The following HIC1 variants were observed in gnomAD, a reference collection of about 807,000 sequenced individuals.
HIC1 encodes the protein HIC ZBTB transcriptional repressor 1.
Under a neutral mutation model 26.4 loss-of-function variants are expected in HIC1, and 9 were observed. The observed-to-expected ratio is 0.34, with a 90% CI of 0.21 to 0.59. The LOEUF is 0.59. HIC1 is among the 20% of genes least tolerant of loss of function. The pLI is 0.82. For synonymous variants in HIC1, 631 were observed against 523.1 expected (o/e 1.21, Z -2.81); for missense variants, 965 against 1,075.7 (o/e 0.90, Z 1.44).
At position 2,061,389 on chromosome 17, in the gene HIC1, G is replaced by T; in HGVS notation, c.*2554G>T. ...TGGAAGAGGATGGTTTATTGTCTGGGTGGATTGGTGGCTCAGGCACGTGGG... is the reference window on the plus strand; with the variant it reads ...TGGAAGAGGATGGTTTATTGTCTGGTTGGATTGGTGGCTCAGGCACGTGGG... On this transcript the variant is annotated 3_prime_UTR_variant, in exon 2 of 2. Transcript: ENST00000619757. 1 of 1,160,470 alleles carries T rather than the reference G, an allele frequency of 8.6e-7. No individual in the cohort carries two copies. Among genetic ancestry groups the T allele is most frequent in the Non-Finnish European group, 1.2e-6 (1 of 826,020 alleles). The allele number at this position is 1,160,470 out of a possible 1,614,324, so 71.9% of individuals were successfully genotyped here. A position where few individuals can be genotyped will look rare whatever the true frequency, so the allele number is the denominator to read the frequency against.
chr17:2,061,620 C>CT lies in HIC1; in HGVS notation c.*2785_*2786insT. The CT allele has an allele frequency of 6.4e-7, 1 of 1,570,762 alleles. No individual in the cohort carries two copies. Among genetic ancestry groups the CT allele is most frequent in the Non-Finnish European group, 8.6e-7 (1 of 1,157,762 alleles). On this transcript the variant is annotated 3_prime_UTR_variant, in exon 2 of 2. Coordinates refer to ENST00000619757, the MANE Select transcript of HIC1 (RefSeq NM_006497.4). ...ACCTCCCGCAGTAGCCGGATTGGCT[C>CT]CTCTGTGGGCATGAGAGAGCAGAAG... is the stretch of plus-strand genomic sequence containing the variant.
rs1209577388 is a variant in HIC1, at chr17:2,061,763, C to T, written c.*2928C>T. On this transcript the variant is annotated 3_prime_UTR_variant, in exon 2 of 2. Transcript: ENST00000619757. Reference sequence around the variant, plus strand: ...TGGCTCTTCTACCAGTCCTTTCCTCCGTCCGGGCTCTCAGCCCCGGGGACC... The same window carrying T: ...TGGCTCTTCTACCAGTCCTTTCCTCTGTCCGGGCTCTCAGCCCCGGGGACC... 1.7e-5 allele frequency: 17 copies of T among 985,048 alleles called. No individual in the cohort carries two copies. The highest frequency in any genetic ancestry group is 3.2e-5 in the South Asian group (2 of 63,136). 61.0% of individuals were successfully genotyped at this position (985,048 alleles called of 1,614,324 possible).
In HIC1 at chr17:2,058,747, CCGA is replaced by C; in HGVS notation, c.2059_2061del (p.Asp687del). ...TTCACGGCCGAGCTGGGCCTCAGCCCCGACAAGGCGGCCGAGGTGCTGAGCCAG... is the reference window on the plus strand; with the variant it reads ...TTCACGGCCGAGCTGGGCCTCAGCCCCAAGGCGGCCGAGGTGCTGAGCCAG... On this transcript the variant is annotated inframe_deletion, in exon 2 of 2. Coordinates refer to ENST00000619757, the MANE Select transcript of HIC1 (RefSeq NM_006497.4). The C allele has an allele frequency of 6.5e-7, 1 of 1,527,460 alleles. No individual in the cohort carries two copies. The highest frequency in any genetic ancestry group is 1.2e-5 in the South Asian group (1 of 82,018). 94.6% of individuals were successfully genotyped at this position (1,527,460 alleles called of 1,614,324 possible). A position where few individuals can be genotyped will look rare whatever the true frequency, so the allele number is the denominator to read the frequency against.
At position 2,057,895 on chromosome 17, in the gene HIC1, G is replaced by A; in HGVS notation, c.1205G>A (p.Cys402Tyr). Reference sequence around the variant, plus strand: ...GGCGGCCACCTCGAGGGCTACCCATGCCCGCACCTGGCCTATGGCGAGCCC... The same window carrying A: ...GGCGGCCACCTCGAGGGCTACCCATACCCGCACCTGGCCTATGGCGAGCCC... ...PPGGHLEGYP[C>Y]PHLAYGEPES... Residue 402 changes from cysteine to tyrosine, a missense_variant, in exon 2 of 2, where the codon TGC becomes TAC. Cys to Tyr is a radical substitution (Grantham distance 194, BLOSUM62 -2). Coordinates refer to ENST00000619757, the MANE Select transcript of HIC1 (RefSeq NM_006497.4). The A allele has an allele frequency of 1.2e-6, 2 of 1,604,302 alleles. No homozygotes were observed. The highest frequency in any genetic ancestry group is 1.1e-5 in the South Asian group (1 of 89,664).
chr17:2,058,828 C>G lies in HIC1; in HGVS notation c.2138C>G (p.Pro713Arg). 6.8e-7 allele frequency: 1 copy of G among 1,463,800 alleles called. No individual in the cohort carries two copies. The highest frequency in any genetic ancestry group is 9.0e-7 in the Non-Finnish European group (1 of 1,113,218). 90.7% of individuals were successfully genotyped at this position (1,463,800 alleles called of 1,614,324 possible). Residue 713 changes from proline (P) to arginine (R), a missense_variant, in exon 2 of 2, where the codon CCC becomes CGC. Coordinates refer to ENST00000619757, the MANE Select transcript of HIC1 (RefSeq NM_006497.4). ...GGCCGGACCATCGACCGTTTCTCTC[C>G]CACCTAGAGCGCCCCTCGCCAGCCC... ...PDGRTIDRFS[P>R]T
In HIC1 at chr17:2,057,870, G is replaced by T. The variant is rs754906814; in HGVS notation, c.1180G>T (p.Gly394Cys). ...TAGCAGCGAGGACCCCAGCCCGCCT[G>T]GCGGCCACCTCGAGGGCTACCCATG... is the stretch of plus-strand genomic sequence containing the variant. ...TGSSEDPSPP[G>C]GHLEGYPCPH... The change falls in exon 2 of 2, where the codon GGC (glycine) becomes TGC (cysteine). Residue 394 changes from glycine to cysteine, a missense_variant. By Grantham distance (159) the Gly-to-Cys change is radical. Around this residue, in one of 6 missense-constraint regions of HIC1, gnomAD observed 526 missense variants for 525.0 expected, o/e 1.00. Transcript: ENST00000619757. 6.3e-7 allele frequency: 1 copy of T among 1,596,070 alleles called. No individual in the cohort carries two copies.
intron 1 of HIC1, 134 bp from the exon 2 acceptor site, chr17:2,056,537 G>C: frequency 1.5e-6 from 2 of 1,376,410 alleles, no homozygotes; most frequent in East Asian, 5.0e-5. Context: ...CCGGTCCTTC[G>C]CCGGTGCCCA....
rs1263456354 is a variant in HIC1, at chr17:2,055,793, T to A, written c.-21+555T>A. Among the ~76,000 whole-genome samples the A allele has an allele frequency of 1.3e-5, 2 of 151,540 alleles. No homozygotes were observed. Among genetic ancestry groups the A allele is most frequent in the Non-Finnish European group, 2.9e-5 (2 of 67,814 alleles). On this transcript the variant is annotated intron_variant, in intron 1 of 1. Transcript: ENST00000619757. This position sits in a 1 kb window ranked among gnomAD's most constrained non-coding sequence, Gnocchi z 6.4. ...GGGCCGGCGCACTCCTCCCGCCCTG[T>A]CTGCAGTTGGAAAACTTTTCCCCAA...
Position 2,057,258 on chromosome 17 carries a change from G to A in HIC1, c.568G>A (p.Ala190Thr). The A allele has an allele frequency of 6.9e-7, 1 of 1,453,526 alleles. No homozygotes were observed. 90.0% of individuals were successfully genotyped at this position (1,453,526 alleles called of 1,614,324 possible). Residue 190 changes from alanine to threonine, a missense_variant, in exon 2 of 2, where the codon GCC becomes ACC. Transcript: ENST00000619757. ...CGCGGAGCCGCCCTCGGGCCCAGAG[G>A]CCGCGGTCAACACGCACTGCGCCGA... The part of the protein sequence containing the change: ...PAAEPPSGPE[A>T]AVNTHCAELY...
chr17:2,057,809 C>A lies in HIC1; in HGVS notation c.1119C>A (p.Asp373Glu). ...GSLDGPGAGGDGDDYKSSSEE... is the reference protein window; with the variant it reads ...GSLDGPGAGGEGDDYKSSSEE... Reference sequence around the variant, plus strand: ...TGGACGGGCCCGGCGCGGGCGGCGACGGCGACGACTACAAGAGCAGCAGCG... The same window carrying A: ...TGGACGGGCCCGGCGCGGGCGGCGAAGGCGACGACTACAAGAGCAGCAGCG... Residue 373 changes from aspartate (D) to glutamate (E), a missense_variant, in exon 2 of 2, where the codon GAC (aspartate) becomes GAA (glutamate). By Grantham distance (45) the Asp-to-Glu change is conservative. Coordinates refer to ENST00000619757, the MANE Select transcript of HIC1 (RefSeq NM_006497.4). The A allele has an allele frequency of 6.5e-7, 1 of 1,549,810 alleles. No individual in the cohort carries two copies. Among genetic ancestry groups the A allele is most frequent in the South Asian group, 1.2e-5 (1 of 84,434 alleles).
Position 2,057,454 on chromosome 17 carries a change from C to G in HIC1, c.764C>G (p.Ala255Gly). ...LPPRPDSPPS[A>G]GPAAYKEPPL... Reference sequence around the variant, plus strand: ...CCGCGCCCGGACAGCCCTCCCAGCGCCGGCCCCGCCGCCTACAAGGAGCCG... The same window carrying G: ...CCGCGCCCGGACAGCCCTCCCAGCGGCGGCCCCGCCGCCTACAAGGAGCCG... Residue 255 changes from alanine to glycine, a missense_variant, in exon 2 of 2, where the codon GCC becomes GGC. By Grantham distance (60) the Ala-to-Gly change is moderately conservative. This residue lies in a region of HIC1 where 526 missense variants were observed against 525.0 expected (regional missense o/e 1.00). Coordinates refer to ENST00000619757, the MANE Select transcript of HIC1 (RefSeq NM_006497.4). 1 of 1,465,162 alleles carries G rather than the reference C, an allele frequency of 6.8e-7. No individual in the cohort carries two copies. The highest frequency in any genetic ancestry group is 9.0e-7 in the Non-Finnish European group (1 of 1,116,066). The allele number at this position is 1,465,162 out of a possible 1,614,324, so 90.8% of individuals were successfully genotyped here.
chr17:2,056,825 G>A lies in HIC1; in HGVS notation c.135G>A (p.Val45=), dbSNP rs756260709. The change falls in exon 2 of 2, where the codon GTG becomes GTA. Residue 45 remains valine, a synonymous_variant. Coordinates refer to ENST00000619757, the MANE Select transcript of HIC1 (RefSeq NM_006497.4). ...CCCTCTTCCGCGCGCACAAGAACGT[G>A]CTGGCGGCCAGCAGCGCCTACCTCA... ...QNALFRAHKN[V]LAASSAYLKS... 6.2e-7 allele frequency: 1 copy of A among 1,612,840 alleles called. No homozygotes were observed. The highest frequency in any genetic ancestry group is 8.5e-7 in the Non-Finnish European group (1 of 1,179,892).
chr17:2,058,085 C>G lies in HIC1; in HGVS notation c.1395C>G (p.Pro465=), dbSNP rs764055066. The change falls in exon 2 of 2, where the codon CCC becomes CCG. Residue 465 remains proline, a synonymous_variant. Transcript: ENST00000619757. ...CCGCTGGGGCCGCCGGCCTAGGGCC[C>G]CCTTTTGGAGGCGGCGGGGACAAGG... is the stretch of plus-strand genomic sequence containing the variant. The part of the protein sequence containing the change: ...EVAAGAAGLG[P]PFGGGGDKVA... 6.3e-7 allele frequency: 1 copy of G among 1,588,976 alleles called. No homozygotes were observed. Among genetic ancestry groups the G allele is most frequent in the Non-Finnish European group, 8.5e-7 (1 of 1,170,496 alleles).
rs1240394415 is a variant in HIC1 at position 2,061,381 on chromosome 17, T to C, written c.*2546T>C. 2 of 1,081,378 alleles carry C rather than the reference T, an allele frequency of 1.8e-6. No homozygotes were observed. Among genetic ancestry groups the C allele is most frequent in the African/African-American group, 1.6e-5 (1 of 63,764 alleles). The allele number at this position is 1,081,378 out of a possible 1,614,324, so 67.0% of individuals were successfully genotyped here. ...GCGTGGGTTGGAAGAGGATGGTTTA[T>C]TGTCTGGGTGGATTGGTGGCTCAGG... On this transcript the variant is annotated 3_prime_UTR_variant, in exon 2 of 2. Coordinates refer to ENST00000619757, the MANE Select transcript of HIC1 (RefSeq NM_006497.4).
At position 2,055,112 on chromosome 17, in the gene HIC1, C is replaced by T. The variant is rs1301643632; in HGVS notation, c.-147C>T. On this transcript the variant is annotated 5_prime_UTR_variant, in exon 1 of 2. Transcript: ENST00000619757. This position sits in a 1 kb window ranked among gnomAD's most constrained non-coding sequence, Gnocchi z 6.4. ...AAAGCGCGGCGGGGCTGAGACGCGACCAGGACGCGGGGAGGACGGACCAGC... is the reference window on the plus strand; with the variant it reads ...AAAGCGCGGCGGGGCTGAGACGCGATCAGGACGCGGGGAGGACGGACCAGC... 1.3e-5 allele frequency: 2 copies of T among 152,158 alleles called. No homozygotes were observed. The highest frequency in any genetic ancestry group is 2.9e-5 in the Non-Finnish European group (2 of 68,076). The allele number at this position is 152,158 out of a possible 1,614,324, so 9.4% of individuals were successfully genotyped here. A position where few individuals can be genotyped will look rare whatever the true frequency, so the allele number is the denominator to read the frequency against.
Position 2,059,535 on chromosome 17 carries a change from C to G in HIC1, c.*700C>G, listed in dbSNP as rs934849634. On this transcript the variant is annotated 3_prime_UTR_variant, in exon 2 of 2. Transcript: ENST00000619757. Reference sequence around the variant, plus strand: ...TTTATTGCATGCGCCCCGGCGGCCCCCCATCCCGAGCCCAGGCTGGGCTGG... The same window carrying G: ...TTTATTGCATGCGCCCCGGCGGCCCGCCATCCCGAGCCCAGGCTGGGCTGG... 1 of 167,252 alleles carries G rather than the reference C, an allele frequency of 6.0e-6. No homozygotes were observed. The highest frequency in any genetic ancestry group is 2.4e-5 in the African/African-American group (1 of 41,474). 10.4% of individuals were successfully genotyped at this position (167,252 alleles called of 1,614,324 possible).
In HIC1 at chr17:2,061,396, G is replaced by C; in HGVS notation, c.*2561G>C. 8.2e-7 allele frequency: 1 copy of C among 1,226,206 alleles called. No homozygotes were observed. Among genetic ancestry groups the C allele is most frequent in the East Asian group, 2.6e-5 (1 of 38,674 alleles). The allele number at this position is 1,226,206 out of a possible 1,614,324, so 76.0% of individuals were successfully genotyped here. On this transcript the variant is annotated 3_prime_UTR_variant, in exon 2 of 2. Coordinates refer to ENST00000619757, the MANE Select transcript of HIC1 (RefSeq NM_006497.4). Reference sequence around the variant, plus strand: ...GGATGGTTTATTGTCTGGGTGGATTGGTGGCTCAGGCACGTGGGCATCTTC... The same window carrying C: ...GGATGGTTTATTGTCTGGGTGGATTCGTGGCTCAGGCACGTGGGCATCTTC...
rs1164725269 is a variant in HIC1, at chr17:2,056,170, C to T, written c.-20-501C>T. The T allele has an allele frequency of 4.3e-6, 3 of 694,342 alleles. No homozygotes were observed. In the African/African-American group the frequency reaches 5.5e-5, roughly 13 times the overall value. The allele number at this position is 694,342 out of a possible 1,614,324, so 43.0% of individuals were successfully genotyped here. ...GCCCCGACCGAGGGTTGACAGCCCC[C>T]GGCCAGGGCGGCGCCAGGGCGGGCA... On this transcript the variant is annotated intron_variant, in intron 1 of 1. Transcript: ENST00000619757.
At chr17:2,056,226 C>G in intron 1 of HIC1, 1 of 1,212,472 alleles carries the variant, frequency 8.2e-7, no homozygotes. Context: ...TCACTTCCCC[C>G]AACTGGGGCA....
Sources: gnomAD v4.1 joint callset for allele counts (sites outside exome capture counted in the v4.1 genomes callset) on GRCh38, gnomAD v4.1.1 for gene constraint, gnomAD v4.1.1 regional missense constraint, Gnocchi (gnomAD v3.1) non-coding constraint, MANE v1.5 for transcripts, NCBI Gene and HGNC (gene_info 2026-07-23, HGNC 2026-07-21) for gene names.